Variants in CD33 observed in about 807,000 individuals in gnomAD.
CD33 encodes the protein CD33 molecule, also known as myeloid cell surface antigen CD33.
In CD33, 25 loss-of-function variants were observed where a neutral mutation model predicts 31.4. The ratio of observed to expected loss-of-function variants is 0.80; its 90% CI spans 0.58 to 1.11. The LOEUF is 1.11. CD33 is among the 50% of genes most tolerant of loss of function. CD33 has a pLI of 0.00. For synonymous variants in CD33, 176 were observed against 180.6 expected (o/e 0.97, Z 0.20); for missense variants, 407 against 448.1 (o/e 0.91, Z 0.83).
chr19:51,236,407 G>A (rs1221958069), intron 6 of CD33: 1 of 162,082 alleles, frequency 6.2e-6, no homozygotes, highest in East Asian at 1.8e-4. Flanking sequence ...GTCTCTAGTT[G>A]TCTGGTACAT....
chr19:51,226,035 T>A lies in CD33; in HGVS notation c.651T>A (p.Ala217=). ...GTNLTCQVKF[A]GAGVTTERTI... is the part of the protein sequence containing the mutation. ...ACCTGACCTGTCAGGTGAAGTTCGC[T>A]GGAGCTGGTGTGACTACGGAGAGAA... The change falls in exon 3 of 7, where the codon GCT becomes GCA. Residue 217 remains alanine (A), a synonymous_variant. Transcript: ENST00000262262. 1 of 1,614,126 alleles carries A rather than the reference T, an allele frequency of 6.2e-7. No individual in the cohort carries two copies. Among genetic ancestry groups the A allele is most frequent in the Non-Finnish European group, 8.5e-7 (1 of 1,179,996 alleles).
chr19:51,219,036 AT>A, the CD33 span, among the ~76,000 whole-genome samples: 11,393 of 151,832 alleles, frequency 0.075, 552 homozygotes, highest in Non-Finnish European at 0.12. Flanking sequence ...GAATTTTAGA[AT>A]TTTTTTTCAA....
chr19:51,226,133 A>C (rs1175441098), intron 3 of CD33, 52 bp downstream of exon 3: 1 of 1,594,542 alleles, frequency 6.3e-7, no homozygotes, highest in East Asian at 2.2e-5. Flanking sequence ...GGGAGACAGG[A>C]TGGGCTGGTG....
At chr19:51,226,505 G>T in intron 4 of CD33, 149 bp downstream of exon 4, 1 of 639,870 alleles carries the variant, frequency 1.6e-6, no homozygotes. Context: ...AAGGATATTT[G>T]GGGATGACTA....
At chr19:51,226,142 T>C in intron 3 of CD33, 61 bp downstream of exon 3, 1 of 1,584,502 alleles carries the variant, frequency 6.3e-7, no homozygotes, top group South Asian at 1.1e-5. Context: ...GATGGGCTGG[T>C]GCTGGGGACA....
Position 51,226,018 on chromosome 19 carries a change from T to C in CD33, c.634T>C (p.Cys212Arg). Residue 212 changes from cysteine to arginine, a missense_variant, in exon 3 of 7, where the codon TGT (cysteine) becomes CGT (arginine). Cys to Arg is a radical substitution (Grantham distance 180). Coordinates refer to ENST00000262262, the MANE Select transcript of CD33 (RefSeq NM_001772.4). The stretch of plus-strand genomic sequence containing the variant: ...CCAGGACCACGGCACCAACCTGACC[T>C]GTCAGGTGAAGTTCGCTGGAGCTGG... The part of the protein sequence containing the change: ...RPQDHGTNLT[C>R]QVKFAGAGVT... The C allele has an allele frequency of 6.2e-7, 1 of 1,614,056 alleles. No homozygotes were observed. The highest frequency in any genetic ancestry group is 8.5e-7 in the Non-Finnish European group (1 of 1,179,952).
the CD33 span, among the ~76,000 whole-genome samples, chr19:51,218,330 GA>G: frequency 6.6e-6 from 1 of 152,124 alleles, no homozygotes; most frequent in Non-Finnish European, 1.5e-5. Context: ...GTCTTCTTTT[GA>G]AAACTGCCTA....
intron 4 of CD33, among the ~76,000 whole-genome samples, chr19:51,229,779 GTC>G (rs1981279709): frequency 6.6e-6 from 1 of 151,406 alleles, no homozygotes; most frequent in Non-Finnish European, 1.5e-5. Flanking sequence ...TATGTCTTCT[GTC>G]TCTTTCTTAG....
chr19:51,212,401 G>A, the CD33 span, among the ~76,000 whole-genome samples: 7 of 152,090 alleles, frequency 4.6e-5, no homozygotes, highest in African/African-American at 1.7e-4. Context: ...CTTCAGCTCA[G>A]GGCAGGGGTG....
the CD33 span, among the ~76,000 whole-genome samples, chr19:51,219,577 G>A: frequency 6.6e-6 from 1 of 152,170 alleles, no homozygotes; most frequent in Non-Finnish European, 1.5e-5. Context: ...TAGCAATGAA[G>A]AGAGTGATCA....
upstream of CD33, among the ~76,000 whole-genome samples, chr19:51,221,657 AAG>A (rs1980692821): frequency 6.6e-6 from 1 of 152,184 alleles, no homozygotes; most frequent in Non-Finnish European, 1.5e-5. Flanking sequence ...GTATTTACCC[AAG>A]AGCAATAAAA....
chr19:51,228,467 T>G (rs1011352263), intron 4 of CD33, among the ~76,000 whole-genome samples: 3 of 152,314 alleles, frequency 2.0e-5, no homozygotes, highest in Admixed American at 6.5e-5. Flanking sequence ...TATTAAGGCT[T>G]GTCACCTCCT....
Position 51,226,365 on chromosome 19 carries a change from G to A in CD33, c.745+9G>A. The stretch of plus-strand genomic sequence containing the variant: ...TCCAGGAGATGGCTCAGGTAGGAAG[G>A]AGCCTCCCCGCCTGGGGCTGTTACT... On this transcript the variant is annotated intron_variant, in intron 4 of 6. Transcript: ENST00000262262. 2 of 1,612,662 alleles carry A rather than the reference G, an allele frequency of 1.2e-6. No homozygotes were observed. Among genetic ancestry groups the A allele is most frequent in the South Asian group, 1.1e-5 (1 of 91,040 alleles).
In CD33 at chr19:51,228,205, G is replaced by A. The variant is rs527874282; in HGVS notation, c.745+1849G>A. Among the ~76,000 whole-genome samples, 3 of 152,178 alleles carry A rather than the reference G, an allele frequency of 2.0e-5. No homozygotes were observed. In the East Asian group the frequency reaches 5.8e-4, roughly 29 times the overall value. ...GAAATCTTGTAGTGTGATACCTCCA[G>A]CTTTGTTCTTTTTTGCTTGGGATTG... is the stretch of plus-strand genomic sequence containing the variant. On this transcript the variant is annotated intron_variant, in intron 4 of 6. Coordinates refer to ENST00000262262, the MANE Select transcript of CD33 (RefSeq NM_001772.4).
In CD33 at chr19:51,239,894, T is replaced by G. The variant is rs965761852; in HGVS notation, c.*206T>G. The G allele has an allele frequency of 4.7e-6, 2 of 430,000 alleles. No homozygotes were observed. The highest frequency in any genetic ancestry group is 4.9e-5 in the South Asian group (1 of 20,240). 26.6% of individuals were successfully genotyped at this position (430,000 alleles called of 1,614,324 possible). On this transcript the variant is annotated 3_prime_UTR_variant, in exon 7 of 7. Transcript: ENST00000262262. ...TGTGCTCTTTCATTTGCTAAGTGTA[T>G]GATGTCACACAAGCTCCTTAACCTT...
At chr19:51,216,543 T>C in the CD33 span, among the ~76,000 whole-genome samples, 2 of 151,800 alleles carry the variant, frequency 1.3e-5, no homozygotes, top group South Asian at 4.2e-4. Flanking sequence ...ACCCCATCTC[T>C]ACTAAAAATC....
At chr19:51,234,026 C>T (rs1341907730) in intron 4 of CD33, among the ~76,000 whole-genome samples, 6 of 151,822 alleles carry the variant, frequency 4.0e-5, no homozygotes, top group African/African-American at 1.5e-4. Flanking sequence ...CCATTTTGCT[C>T]CAATGGGGGC....
At chr19:51,232,384 A>G (rs772641434) in intron 4 of CD33, among the ~76,000 whole-genome samples, 9 of 152,116 alleles carry the variant, frequency 5.9e-5, no homozygotes, top group Non-Finnish European at 1.3e-4. Context: ...TTTGGAGAGG[A>G]CTTGCTTGGG....
At chr19:51,221,495 A>G (rs1980687231), upstream of CD33, among the ~76,000 whole-genome samples, 1 of 152,268 alleles carries the variant, frequency 6.6e-6, no homozygotes, top group Non-Finnish European at 1.5e-5. Context: ...TTCTGATAAT[A>G]TCAAATGTTA....
Sources: gnomAD v4.1 joint callset for allele counts (sites outside exome capture counted in the v4.1 genomes callset) on GRCh38, gnomAD v4.1.1 for gene constraint, MANE v1.5 for transcripts, NCBI Gene and HGNC (gene_info 2026-07-23, HGNC 2026-07-21) for gene names.